The following PRDM8 variants were observed in gnomAD, a reference collection of about 807,000 sequenced individuals.
PRDM8 encodes PR/SET domain 8, also known as PR domain zinc finger protein 8.
A neutral mutation model predicts 46.5 loss-of-function variants in PRDM8; 13 were observed. The observed-to-expected ratio is 0.28, with a 90% confidence interval of 0.18 to 0.44. PRDM8 has a LOEUF of 0.44. PRDM8 is among the 20% of genes least tolerant of loss of function. The pLI is 1.00. For missense variants in PRDM8, 998 were observed against 955.0 expected, an observed-to-expected ratio of 1.04 and a Z score of -0.59; for synonymous variants, 473 against 438.4, an observed-to-expected ratio of 1.08 and a Z score of -0.98.
In PRDM8 at chr4:80,201,329, A is replaced by G; in HGVS notation, c.259A>G (p.Met87Val). The change falls in exon 3 of 4, where the codon ATG becomes GTG. Residue 87 changes from methionine to valine, a missense_variant. Physicochemically the swap from Met to Val is conservative, Grantham distance 21. Transcript: ENST00000415738. The stretch of plus-strand genomic sequence containing the variant: ...AGCAAATGGTTCCTCAGAAGGTCTC[A>G]TGTGGCTGCGGTTGGTCCAATCGGC... Reference protein sequence around the residue: ...SAANGSSEGLMWLRLVQSARD... With the variant: ...SAANGSSEGLVWLRLVQSARD... 6.2e-7 allele frequency: 1 copy of G among 1,614,236 alleles called. No individual in the cohort carries two copies. Among genetic ancestry groups the G allele is most frequent in the Non-Finnish European group, 8.5e-7 (1 of 1,180,042 alleles).
In PRDM8 at chr4:80,203,403, C is replaced by T; in HGVS notation, c.1941C>T (p.His647=). ...TSDLVYHMRS[H]HKKEYAMEPL... ...ACCTGGTGTACCATATGAGGTCGCA[C>T]CACAAAAAGGAGTATGCGATGGAGC... Residue 647 remains histidine, a synonymous_variant, in exon 4 of 4, where the codon CAC becomes CAT. Coordinates refer to ENST00000415738, the MANE Select transcript of PRDM8 (RefSeq NM_001099403.2). The T allele has an allele frequency of 6.2e-7, 1 of 1,613,922 alleles. No individual in the cohort carries two copies. Among genetic ancestry groups the T allele is most frequent in the South Asian group, 1.1e-5 (1 of 90,992 alleles).
chr4:80,190,612 A>G (rs1241590055), intron 1 of PRDM8, among the ~76,000 whole-genome samples: 2 of 152,224 alleles, frequency 1.3e-5, no homozygotes, highest in African/African-American at 2.4e-5. Context: ...CGGTTTGCCA[A>G]CATTGAAGTC....
rs889811462 is a variant in PRDM8, at chr4:80,203,744, C to A, written c.*212C>A. Reference sequence around the variant, plus strand: ...ATATTTACCCGGGACACACACCCCCCCCCACACACACACACAGACACACTC... The same window carrying A: ...ATATTTACCCGGGACACACACCCCCACCCACACACACACACAGACACACTC... On this transcript the variant is annotated 3_prime_UTR_variant, in exon 4 of 4. Coordinates refer to ENST00000415738, the MANE Select transcript of PRDM8 (RefSeq NM_001099403.2). 6,384 of 480,664 alleles carry A rather than the reference C, an allele frequency of 0.013. 376 individuals carry two copies. Among genetic ancestry groups the A allele is most frequent in the African/African-American group, 0.12 (5,646 of 47,666 alleles). The allele number at this position is 480,664 out of a possible 1,614,324, so 29.8% of individuals were successfully genotyped here.
chr4:80,188,976 G>A (rs963003396), intron 1 of PRDM8, among the ~76,000 whole-genome samples: 33 of 152,322 alleles, frequency 2.2e-4, no homozygotes, highest in Middle Eastern at 3.4e-3. Context: ...TGCTGCCTCC[G>A]GGCATCAGTT....
chr4:80,195,804 T>C (rs187180500), upstream of PRDM8, among the ~76,000 whole-genome samples: 1 of 152,168 alleles, frequency 6.6e-6, no homozygotes, highest in African/African-American at 2.4e-5. Context: ...TCTCTGAATA[T>C]ATGGGGATTT....
chr4:80,186,394 G>A lies in PRDM8; in HGVS notation c.-983+876G>A, dbSNP rs529923501. 5.1e-5 allele frequency among the ~76,000 whole-genome samples: 7 copies of A among 136,574 alleles called. No individual in the cohort carries two copies. The East Asian group carries it at 1.5e-3, about 30-fold the overall frequency. 89.6% of individuals were successfully genotyped at this position (136,574 alleles called of 152,430 possible). On this transcript the variant is annotated intron_variant, in intron 1 of 9. Transcript: ENST00000339711. ...GGAAGAAAGAAGGGAGGAAATAAGG[G>A]AGGAAGGAAGAGAAGGGAGAGAGAG...
In PRDM8 at chr4:80,204,083, C is replaced by T. The variant is rs1375564763; in HGVS notation, c.*551C>T. 2.6e-5 allele frequency: 4 copies of T among 152,666 alleles called. No homozygotes were observed. The highest frequency in any genetic ancestry group is 5.9e-5 in the Non-Finnish European group (4 of 68,122). 9.5% of individuals were successfully genotyped at this position (152,666 alleles called of 1,614,324 possible). A position where few individuals can be genotyped will look rare whatever the true frequency, so the allele number is the denominator to read the frequency against. On this transcript the variant is annotated 3_prime_UTR_variant, in exon 4 of 4. Transcript: ENST00000415738. ...ATAAACAAAATGAATAAAAAGGGAT[C>T]ACCATTCAATTTGAGTTTCCAGGGG...
At chr4:80,191,269 G>A (rs952058607) in intron 1 of PRDM8, among the ~76,000 whole-genome samples, 20 of 152,258 alleles carry the variant, frequency 1.3e-4, no homozygotes, top group African/African-American at 4.8e-4. Flanking sequence ...TTCTGCTCAG[G>A]TATAAAGTTA....
At chr4:80,201,177 T>A (rs1355973212) in intron 2 of PRDM8, 113 bp from the exon 3 acceptor site, 14 of 1,049,296 alleles carry the variant, frequency 1.3e-5, no homozygotes, top group South Asian at 1.6e-5. Flanking sequence ...TCAGACAATT[T>A]TTGGAAAAGA....
At chr4:80,188,928 A>G (rs777728133) in intron 1 of PRDM8, among the ~76,000 whole-genome samples, 1 of 152,106 alleles carries the variant, frequency 6.6e-6, no homozygotes, top group Non-Finnish European at 1.5e-5. Context: ...CACGGGGGGA[A>G]CTCGCCCTGC....
chr4:80,201,633 C>A, intron 3 of PRDM8, 112 bp downstream of exon 3: 1 of 1,118,258 alleles, frequency 8.9e-7, no homozygotes, highest in Non-Finnish European at 1.3e-6. Context: ...TCGGGTGTCT[C>A]ATAGGAAGAT....
intron 1 of PRDM8, among the ~76,000 whole-genome samples, chr4:80,186,643 C>A (rs1370574666): frequency 6.6e-6 from 1 of 152,160 alleles, no homozygotes; most frequent in African/African-American, 2.4e-5. Context: ...CACAGCTACA[C>A]CCTGGCCTCT....
Position 80,203,676 on chromosome 4 carries a change from A to G in PRDM8, c.*144A>G. On this transcript the variant is annotated 3_prime_UTR_variant, in exon 4 of 4. Transcript: ENST00000415738. ...ACATTCACCGCCCCCCCGCCCCCCC[A>G]ACGCGCACACACACGTCCTCTCCTC... 18 of 1,217,154 alleles carry G rather than the reference A, an allele frequency of 1.5e-5. No individual in the cohort carries two copies. Among genetic ancestry groups the G allele is most frequent in the Non-Finnish European group, 1.9e-5 (18 of 963,660 alleles). The allele number at this position is 1,217,154 out of a possible 1,614,324, so 75.4% of individuals were successfully genotyped here. A position where few individuals can be genotyped will look rare whatever the true frequency, so the allele number is the denominator to read the frequency against.
chr4:80,194,597 T>C (rs1047123536), upstream of PRDM8, among the ~76,000 whole-genome samples: 3 of 152,252 alleles, frequency 2.0e-5, no homozygotes, highest in African/African-American at 7.2e-5. Flanking sequence ...CCACTTAAAT[T>C]ACTAGAAAAC....
chr4:80,196,188 G>A (rs940231271), upstream of PRDM8: 19 of 903,946 alleles, frequency 2.1e-5, no homozygotes, highest in Non-Finnish European at 2.5e-5. Context: ...CAACAACGAG[G>A]CTGTCTCCTT....
chr4:80,199,743 A>G (rs1449595015), intron 1 of PRDM8, among the ~76,000 whole-genome samples: 1 of 75,452 alleles, frequency 1.3e-5, no homozygotes, highest in Admixed American at 1.4e-4. Flanking sequence ...GTGTGTACAT[A>G]TATATATAAT....
At chr4:80,195,920 C>CAGAGAGAG, upstream of PRDM8, 1 of 186,920 alleles carries the variant, frequency 5.3e-6, no homozygotes, top group Admixed American at 8.8e-5. Context: ...CACACACACA[C>CAGAGAGAG]ACACACACAG....
upstream of PRDM8, among the ~76,000 whole-genome samples, chr4:80,194,958 A>T (rs1039530546): frequency 3.9e-5 from 6 of 152,188 alleles, no homozygotes; most frequent in African/African-American, 1.4e-4. Flanking sequence ...CCTCAAAAGA[A>T]ATATAGTTTA....
rs2109881069 is a variant in PRDM8 at position 80,203,665 on chromosome 4, C to G, written c.*133C>G. 7.2e-7 allele frequency: 1 copy of G among 1,386,922 alleles called. No homozygotes were observed. Among genetic ancestry groups the G allele is most frequent in the Admixed American group, 3.0e-5 (1 of 33,746 alleles). 85.9% of individuals were successfully genotyped at this position (1,386,922 alleles called of 1,614,324 possible). ...CAAAGACACATACATTCACCGCCCC[C>G]CCGCCCCCCCAACGCGCACACACAC... is the stretch of plus-strand genomic sequence containing the variant. On this transcript the variant is annotated 3_prime_UTR_variant, in exon 4 of 4. Coordinates refer to ENST00000415738, the MANE Select transcript of PRDM8 (RefSeq NM_001099403.2).
Sources: allele counts gnomAD v4.1 joint callset (sites outside exome capture counted in the v4.1 genomes callset), GRCh38; gene constraint gnomAD v4.1.1; transcripts MANE v1.5; gene names NCBI Gene and HGNC (gene_info 2026-07-23, HGNC 2026-07-21).